The following STARD13 variants were observed in gnomAD, a reference collection of about 807,000 sequenced individuals.
STARD13 encodes the protein stAR-related lipid transfer protein 13.
A neutral mutation model predicts 106.4 loss-of-function variants in STARD13; 62 were observed. The observed-to-expected ratio is 0.58, with a 90% CI of 0.48 to 0.72. The LOEUF is 0.72. Ranked by LOEUF, STARD13 falls within the 30% of genes least tolerant of loss-of-function variation. The probability of loss-of-function intolerance (pLI) is 0.00; values close to 1 mark genes in which losing one functional copy is unlikely to be tolerated. For missense variants in STARD13, 1,387 were observed against 1,424.0 expected (o/e 0.97, Z 0.42); for synonymous variants, 565 against 553.0 (o/e 1.02, Z -0.31).
the STARD13 span, among the ~76,000 whole-genome samples, chr13:33,624,508 C>A: frequency 6.6e-6 from 1 of 152,202 alleles, no homozygotes; most frequent in East Asian, 1.9e-4. Flanking sequence ...CTCCTTACAC[C>A]AAGAGTTCCT....
At chr13:33,165,081 C>T (rs187277025) in intron 3 of STARD13, among the ~76,000 whole-genome samples, 1 of 152,226 alleles carries the variant, frequency 6.6e-6, no homozygotes, top group African/African-American at 2.4e-5. Flanking sequence ...CTTTTTCTCA[C>T]TCTCACTCTC....
At chr13:33,636,825 C>A in the STARD13 span, among the ~76,000 whole-genome samples, 5 of 152,204 alleles carry the variant, frequency 3.3e-5, no homozygotes, top group Non-Finnish European at 7.3e-5. Flanking sequence ...TTATCACAAT[C>A]CTCGTCCAAG....
the STARD13 span, among the ~76,000 whole-genome samples, chr13:33,641,953 T>C: frequency 2.1e-3 from 317 of 152,354 alleles, no homozygotes; most frequent in Non-Finnish European, 2.6e-3. Context: ...GCTATAACTA[T>C]TGCATAACAA....
chr13:33,198,819 T>G (rs1037712986), intron 1 of STARD13, among the ~76,000 whole-genome samples: 12 of 152,318 alleles, frequency 7.9e-5, no homozygotes, highest in African/African-American at 2.9e-4. Context: ...TGCTACTGCA[T>G]CTTCTCTAAT....
the STARD13 span, among the ~76,000 whole-genome samples, chr13:33,498,915 A>T: frequency 6.6e-6 from 1 of 152,226 alleles, no homozygotes; most frequent in African/African-American, 2.4e-5. Flanking sequence ...AGGCAGGCAG[A>T]TCACCTGAGG....
At chr13:33,459,597 CT>C in the STARD13 span, among the ~76,000 whole-genome samples, 3 of 152,104 alleles carry the variant, frequency 2.0e-5, no homozygotes, top group African/African-American at 7.2e-5. Context: ...ATATTTTCTT[CT>C]TTTTCTCATG....
At chr13:33,215,453 G>T (rs974067923) in intron 1 of STARD13, among the ~76,000 whole-genome samples, 3 of 152,108 alleles carry the variant, frequency 2.0e-5, no homozygotes, top group Non-Finnish European at 4.4e-5. Flanking sequence ...TTGTAATATA[G>T]CAAATGACTT....
chr13:33,633,592 A>G, the STARD13 span, among the ~76,000 whole-genome samples: 1 of 152,234 alleles, frequency 6.6e-6, no homozygotes, highest in Non-Finnish European at 1.5e-5. Context: ...TTTAAAATGT[A>G]ATCACTGCAC....
intron 1 of STARD13, among the ~76,000 whole-genome samples, chr13:33,260,459 G>A (rs1014879862): frequency 1.1e-4 from 16 of 152,252 alleles, no homozygotes; most frequent in Admixed American, 3.9e-4. Flanking sequence ...TACATTTTAC[G>A]GGGGAGGTCA....
chr13:33,493,295 T>C, the STARD13 span, among the ~76,000 whole-genome samples: 4 of 152,154 alleles, frequency 2.6e-5, no homozygotes, highest in Non-Finnish European at 4.4e-5. Flanking sequence ...GTCTGGGGCC[T>C]GATTTATCAC....
At chr13:33,629,421 T>C in the STARD13 span, among the ~76,000 whole-genome samples, 34 of 152,248 alleles carry the variant, frequency 2.2e-4, no homozygotes, top group Non-Finnish European at 2.9e-5. Flanking sequence ...AATACAATGC[T>C]GCCAGCCATA....
At chr13:33,499,588 CTT>C in the STARD13 span, among the ~76,000 whole-genome samples, 9 of 65,598 alleles carry the variant, frequency 1.4e-4, 1 homozygote, top group African/African-American at 4.5e-4. Context: ...TCTTCTTCTT[CTT>C]CTTCTTCTTC....
At chr13:33,453,269 G>A in the STARD13 span, among the ~76,000 whole-genome samples, 30 of 152,124 alleles carry the variant, frequency 2.0e-4, no homozygotes, top group African/African-American at 7.0e-4. Flanking sequence ...TGCTTCATAA[G>A]CCTCATGCCT....
the STARD13 span, among the ~76,000 whole-genome samples, chr13:33,490,771 C>T: frequency 2.6e-4 from 40 of 152,344 alleles, no homozygotes; most frequent in Non-Finnish European, 2.8e-4. Flanking sequence ...TCACACTGGC[C>T]CTCTGCCCTT....
At chr13:33,578,751 C>G in the STARD13 span, among the ~76,000 whole-genome samples, 1 of 151,998 alleles carries the variant, frequency 6.6e-6, no homozygotes, top group African/African-American at 2.4e-5. Flanking sequence ...AACTATGCAC[C>G]TGACAAAGGA....
chr13:33,655,880 C>G, the STARD13 span, among the ~76,000 whole-genome samples: 2 of 152,190 alleles, frequency 1.3e-5, no homozygotes, highest in African/African-American at 4.8e-5. Flanking sequence ...AATACTGCAG[C>G]TGACCCCAGA....
chr13:33,643,352 A>C, the STARD13 span, among the ~76,000 whole-genome samples: 1 of 152,222 alleles, frequency 6.6e-6, no homozygotes, highest in African/African-American at 2.4e-5. Flanking sequence ...CGCCTTCAAA[A>C]GGAATGGCCT....
chr13:33,615,243 G>C, the STARD13 span, among the ~76,000 whole-genome samples: 1 of 152,232 alleles, frequency 6.6e-6, no homozygotes, highest in Admixed American at 6.5e-5. Flanking sequence ...GGGGACTTGA[G>C]GGTGGGAGTC....
chr13:33,177,807 A>AG (rs1255248659), intron 1 of STARD13, among the ~76,000 whole-genome samples: 3 of 18,930 alleles, frequency 1.6e-4, no homozygotes, highest in East Asian at 1.3e-3. Context: ...AAGGAAAGGA[A>AG]GGAAGGAAGG....
Sources: gnomAD v4.1 joint callset for allele counts (sites outside exome capture counted in the v4.1 genomes callset) on GRCh38, gnomAD v4.1.1 for gene constraint, MANE v1.5 for transcripts, NCBI Gene and HGNC (gene_info 2026-07-23, HGNC 2026-07-21) for gene names.